Variants in LRRFIP2 observed in about 807,000 individuals in gnomAD.
The protein encoded by LRRFIP2 is LRR binding FLII interacting protein 2.
Under a neutral mutation model 125.9 loss-of-function variants are expected in LRRFIP2, and 109 were observed. The observed-to-expected ratio is 0.87, with a 90% CI of 0.74 to 1.01. The LOEUF (loss-of-function observed/expected upper bound fraction) is 1.01. Among genes scored for constraint, LRRFIP2 ranks in the 50% least tolerant of loss-of-function variants. The pLI is 0.00. For missense variants in LRRFIP2, 850 were observed against 862.3 expected, an observed-to-expected ratio of 0.99 and a Z score of 0.18; for synonymous variants, 291 against 293.1, an observed-to-expected ratio of 0.99 and a Z score of 0.07.
intron 25 of LRRFIP2, among the ~76,000 whole-genome samples, chr3:37,055,536 A>C (rs1479082871): frequency 6.6e-6 from 1 of 152,178 alleles, no homozygotes; most frequent in African/African-American, 2.4e-5. Flanking sequence ...ACTGCACTCC[A>C]GCCTGGCAAC....
At chr3:37,167,197 C>A (rs73057480) in intron 1 of LRRFIP2, among the ~76,000 whole-genome samples, 12,266 of 49,486 alleles carry the variant, frequency 0.25, 743 homozygotes, top group African/African-American at 0.39. Context: ...ATCTTGTCTC[C>A]AAAAAAAAAA....
intron 19 of LRRFIP2, among the ~76,000 whole-genome samples, chr3:37,082,816 ATGT>A (rs2092746395): frequency 6.6e-6 from 1 of 152,188 alleles, no homozygotes; most frequent in African/African-American, 2.4e-5. Flanking sequence ...TACAGTAATA[ATGT>A]TGGTCTCCTA....
At chr3:37,123,491 T>C (rs2095154247) in intron 4 of LRRFIP2, among the ~76,000 whole-genome samples, 1 of 152,204 alleles carries the variant, frequency 6.6e-6, no homozygotes, top group African/African-American at 2.4e-5. Flanking sequence ...GCCTGGCCAC[T>C]GATTTACATT....
intron 17 of LRRFIP2, among the ~76,000 whole-genome samples, chr3:37,092,160 C>G (rs1391798239): frequency 1.3e-5 from 2 of 152,088 alleles, no homozygotes; most frequent in East Asian, 3.9e-4. Flanking sequence ...AGCACTTGCT[C>G]CAAATGTTAC....
rs549021170 is a variant in LRRFIP2 at position 37,066,473 on chromosome 3, T to C, written c.1465-148A>G. Reference sequence around the variant, plus strand: ...AAGATTGGAAACAAACAGTCAGATATGGGAGGAAATACAGAGTTACATGGA... The same window carrying C: ...AAGATTGGAAACAAACAGTCAGATACGGGAGGAAATACAGAGTTACATGGA... On this transcript the variant is annotated intron_variant, in intron 21 of 27. Transcript: ENST00000336686. The C allele has an allele frequency of 2.6e-5, 17 of 663,042 alleles. No individual in the cohort carries two copies. In the East Asian group the frequency reaches 4.4e-4, roughly 17 times the overall value. 41.1% of individuals were successfully genotyped at this position (663,042 alleles called of 1,614,324 possible).
chr3:37,143,506 T>G, intron 2 of LRRFIP2: 1 of 246,382 alleles, frequency 4.1e-6, no homozygotes, highest in Admixed American at 4.3e-5. Flanking sequence ...TCATCTGGCA[T>G]TAACACTTGA....
At chr3:37,164,165 G>A (rs987168150) in intron 1 of LRRFIP2, among the ~76,000 whole-genome samples, 1 of 152,028 alleles carries the variant, frequency 6.6e-6, no homozygotes, top group Non-Finnish European at 1.5e-5. Flanking sequence ...AATGTAAAAG[G>A]CAAATTTTAA....
intron 19 of LRRFIP2, among the ~76,000 whole-genome samples, chr3:37,076,362 A>T (rs1196616332): frequency 6.6e-6 from 1 of 151,772 alleles, no homozygotes; most frequent in Non-Finnish European, 1.5e-5. Context: ...CCATCTCTAT[A>T]AAAAAAATTC....
At chr3:37,128,599 T>C (rs922657950) in intron 3 of LRRFIP2, among the ~76,000 whole-genome samples, 12 of 152,300 alleles carry the variant, frequency 7.9e-5, no homozygotes, top group Admixed American at 6.5e-5. Flanking sequence ...TTTTGTAATA[T>C]AAAATTGGGG....
chr3:37,155,911 G>C (rs1205240705), intron 1 of LRRFIP2, among the ~76,000 whole-genome samples: 1 of 152,042 alleles, frequency 6.6e-6, no homozygotes, highest in Non-Finnish European at 1.5e-5. Context: ...CTCCCACTCT[G>C]TCTCCCAGGC....
chr3:37,138,497 A>C (rs958038455), intron 2 of LRRFIP2, among the ~76,000 whole-genome samples: 5 of 152,214 alleles, frequency 3.3e-5, no homozygotes, highest in African/African-American at 1.2e-4. Flanking sequence ...ACTGTATCTA[A>C]TGAACCACAA....
At chr3:37,065,669 A>G (rs765429840) in intron 23 of LRRFIP2, 141 bp downstream of exon 23, 6 of 1,015,626 alleles carry the variant, frequency 5.9e-6, no homozygotes, top group East Asian at 4.9e-5. Context: ...CAATGTGCCA[A>G]TGTGCCCAGA....
chr3:37,123,830 C>G (rs1240273914), intron 4 of LRRFIP2, among the ~76,000 whole-genome samples: 2 of 152,100 alleles, frequency 1.3e-5, no homozygotes, highest in Non-Finnish European at 2.9e-5. Context: ...AAGAGCATAT[C>G]CCATTAAAGA....
At chr3:37,064,586 C>CAAA (rs3067690) in intron 23 of LRRFIP2, 41,153 of 100,408 alleles carry the variant, frequency 0.41, 7,945 homozygotes, top group Non-Finnish European at 0.51. Context: ...GACTTCGTCT[C>CAAA]AAAAAAAAAA....
rs757541924 is a variant in LRRFIP2, at chr3:37,112,963, G to A, written c.390C>T (p.His130=). Residue 130 remains histidine, a synonymous_variant, in exon 8 of 28, where the codon CAC becomes CAT. Transcript: ENST00000336686. ...AAGACCTCTTCTTCATTCCATGAGA[G>A]TGACTGTAAGAATGATTCTGGAAGT... ...RLSSLNHSYS[H]SHGMKKRSSD... 5 of 1,579,300 alleles carry A rather than the reference G, an allele frequency of 3.2e-6. No homozygotes were observed. In the Admixed American group the frequency reaches 8.4e-5, roughly 26 times the overall value.
At chr3:37,141,962 GTTTTTA>G (rs1234090052) in intron 2 of LRRFIP2, among the ~76,000 whole-genome samples, 1 of 152,048 alleles carries the variant, frequency 6.6e-6, no homozygotes, top group African/African-American at 2.4e-5. Flanking sequence ...TTGTTTGTTT[GTTTTTA>G]TTTTTATCAT....
chr3:37,109,443 G>T, intron 11 of LRRFIP2, 84 bp downstream of exon 11: 1 of 1,428,324 alleles, frequency 7.0e-7, no homozygotes, highest in Non-Finnish European at 9.9e-7. Context: ...TAACTATTTT[G>T]GAGAAAAGCT....
At chr3:37,159,201 A>G (rs967296038) in intron 1 of LRRFIP2, among the ~76,000 whole-genome samples, 2 of 152,194 alleles carry the variant, frequency 1.3e-5, no homozygotes, top group African/African-American at 2.4e-5. Flanking sequence ...ACTTTTGCAC[A>G]TGGATATCTA....
chr3:37,121,718 G>T (rs1163824591), intron 4 of LRRFIP2, 27 bp from the exon 5 acceptor site: 1 of 1,606,410 alleles, frequency 6.2e-7, no homozygotes, highest in Non-Finnish European at 8.5e-7. Flanking sequence ...TACATGGAGA[G>T]TTAATCACTG....
Sources: gnomAD v4.1 joint callset for allele counts (sites outside exome capture counted in the v4.1 genomes callset) on GRCh38, gnomAD v4.1.1 for gene constraint, MANE v1.5 for transcripts, NCBI Gene and HGNC (gene_info 2026-07-23, HGNC 2026-07-21) for gene names.